Variants in SLC30A9 observed in about 807,000 individuals in gnomAD.
The protein encoded by SLC30A9 is proton-coupled zinc antiporter SLC30A9, mitochondrial.
SLC30A9 carries 58 observed loss-of-function variants against 87.5 expected under a neutral mutation model. That is an observed-to-expected ratio of 0.66 (90% CI 0.54 to 0.82). The LOEUF (loss-of-function observed/expected upper bound fraction) is 0.82, where lower values mean the gene tolerates loss of function less well. SLC30A9 is among the 40% of genes least tolerant of loss of function. SLC30A9 has a pLI of 0.00. For synonymous variants in SLC30A9, 234 were observed against 233.0 expected (o/e 1.00, Z -0.04); for missense variants, 557 against 679.1 (o/e 0.82, Z 2.00).
chr4:42,018,362 C>A, intron 3 of SLC30A9, 192 bp downstream of exon 3: 2 of 1,073,200 alleles, frequency 1.9e-6, no homozygotes, highest in Non-Finnish European at 2.6e-6. Context: ...ATTTATTTTG[C>A]ATTTTTGTCA....
At chr4:42,032,228 ACCT>A (rs1379375836) in intron 6 of SLC30A9, among the ~76,000 whole-genome samples, 2 of 149,230 alleles carry the variant, frequency 1.3e-5, no homozygotes, top group Non-Finnish European at 3.0e-5. Context: ...ACCAGGCCCC[ACCT>A]CCAACAATTG....
At chr4:42,029,355 C>T (rs1375795899) in intron 6 of SLC30A9, 1 of 576,962 alleles carries the variant, frequency 1.7e-6, no homozygotes, top group Non-Finnish European at 3.4e-6. Context: ...TGACTGGCAT[C>T]TTCATCGGAA....
intron 6 of SLC30A9, among the ~76,000 whole-genome samples, chr4:42,023,744 A>C (rs1383538811): frequency 6.6e-6 from 1 of 152,208 alleles, no homozygotes; most frequent in Non-Finnish European, 1.5e-5. Context: ...ATACTACCCA[A>C]GACTGGGTAG....
chr4:42,061,107 C>A (rs1308716683), intron 10 of SLC30A9, among the ~76,000 whole-genome samples: 6 of 151,926 alleles, frequency 3.9e-5, no homozygotes. Context: ...ACAGAAGGTA[C>A]AAATTTTAAA....
chr4:42,084,766 C>T (rs1196172759), intron 17 of SLC30A9, among the ~76,000 whole-genome samples: 4 of 152,112 alleles, frequency 2.6e-5, no homozygotes, highest in South Asian at 2.1e-4. Context: ...CCACCGCGCC[C>T]GGCCAGGTGC....
rs767605085 is a variant in SLC30A9 at position 42,070,657 on chromosome 4, C to G, written c.1384C>G (p.Leu462Val). Residue 462 changes from leucine (L) to valine (V), a missense_variant, in exon 15 of 18, where the codon CTC (leucine) becomes GTC (valine). Leu to Val is a conservative substitution (Grantham distance 32). Coordinates refer to ENST00000264451, the MANE Select transcript of SLC30A9 (RefSeq NM_006345.4). ...RSIQPEQVQR[L>V]TELLENDPSV... ...CATCCAGCCAGAACAAGTACAACGG[C>G]TCACTGAACTCCTGGAGAATGACCC... is the stretch of plus-strand genomic sequence containing the variant. 2 of 1,613,968 alleles carry G rather than the reference C, an allele frequency of 1.2e-6. No individual in the cohort carries two copies. The highest frequency in any genetic ancestry group is 1.7e-6 in the Non-Finnish European group (2 of 1,179,892).
At chr4:42,023,817 C>T (rs909388149) in intron 6 of SLC30A9, among the ~76,000 whole-genome samples, 2 of 152,100 alleles carry the variant, frequency 1.3e-5, no homozygotes, top group Admixed American at 1.3e-4. Context: ...CCTCAGGAAG[C>T]ATACAATCAT....
chr4:42,000,659 G>A (rs1271145586), intron 1 of SLC30A9, among the ~76,000 whole-genome samples: 1 of 151,934 alleles, frequency 6.6e-6, no homozygotes, highest in Non-Finnish European at 1.5e-5. Flanking sequence ...TTATGTTCCT[G>A]ATGAATTCTC....
chr4:42,072,142 TG>T (rs1718337720), intron 15 of SLC30A9, among the ~76,000 whole-genome samples: 1 of 152,210 alleles, frequency 6.6e-6, no homozygotes, highest in African/African-American at 2.4e-5. Flanking sequence ...CTTTCATTTC[TG>T]TAATTTGAAT....
intron 10 of SLC30A9, among the ~76,000 whole-genome samples, chr4:42,061,539 C>G (rs1717853017): frequency 6.6e-6 from 1 of 152,162 alleles, no homozygotes; most frequent in African/African-American, 2.4e-5. Context: ...CATCTATAAA[C>G]TGGGAATTCC....
intron 8 of SLC30A9, among the ~76,000 whole-genome samples, chr4:42,041,289 T>G (rs896297336): frequency 2.6e-5 from 4 of 152,020 alleles, no homozygotes; most frequent in Admixed American, 2.0e-4. Context: ...GAAGAAGCGT[T>G]TGTTTTTTTT....
intron 6 of SLC30A9, chr4:42,029,756 G>A (rs1451790524): frequency 5.5e-6 from 4 of 729,306 alleles, no homozygotes; most frequent in Non-Finnish European, 1.0e-5. Context: ...TAAAGCTCAA[G>A]TGAGTTCTAG....
At chr4:42,054,782 T>C (rs541447152) in intron 9 of SLC30A9, among the ~76,000 whole-genome samples, 2 of 151,376 alleles carry the variant, frequency 1.3e-5, no homozygotes, top group South Asian at 4.3e-4. Flanking sequence ...ATTACAGACA[T>C]GAGCCACCGC....
At chr4:42,011,915 G>A (rs114013358) in intron 2 of SLC30A9, among the ~76,000 whole-genome samples, 2,477 of 152,268 alleles carry the variant, frequency 0.016, 24 homozygotes, top group Non-Finnish European at 0.025. Context: ...ATTGTCAGTA[G>A]GAGAGTTAGT....
At chr4:42,009,629 T>C (rs1486599375) in intron 2 of SLC30A9, among the ~76,000 whole-genome samples, 1 of 152,226 alleles carries the variant, frequency 6.6e-6, no homozygotes, top group Non-Finnish European at 1.5e-5. Context: ...ATTAAGTTGG[T>C]GCTATGTAAA....
intron 6 of SLC30A9, among the ~76,000 whole-genome samples, chr4:42,033,374 C>T (rs1425189295): frequency 2.0e-5 from 3 of 151,840 alleles, no homozygotes; most frequent in African/African-American, 7.2e-5. Context: ...CTCCATGGCT[C>T]ATGCCTATAA....
chr4:42,005,117 T>C (rs1715147852), intron 2 of SLC30A9, among the ~76,000 whole-genome samples: 1 of 152,256 alleles, frequency 6.6e-6, no homozygotes, highest in Non-Finnish European at 1.5e-5. Flanking sequence ...TTTCTCACTA[T>C]ATGAGACTTT....
At chr4:42,082,818 AGCCTGGGT>A (rs1718790107) in intron 17 of SLC30A9, among the ~76,000 whole-genome samples, 1 of 151,584 alleles carries the variant, frequency 6.6e-6, no homozygotes, top group Admixed American at 6.6e-5. Flanking sequence ...ACTGCACTTC[AGCCTGGGT>A]GACAGAGCAA....
At chr4:42,060,367 T>G in intron 10 of SLC30A9, 121 bp downstream of exon 10, 1 of 752,798 alleles carries the variant, frequency 1.3e-6, no homozygotes, top group Non-Finnish European at 2.3e-6. Context: ...GGTCATTTCT[T>G]CCACTGTAGT....
Sources: allele counts gnomAD v4.1 joint callset (sites outside exome capture counted in the v4.1 genomes callset), GRCh38; gene constraint gnomAD v4.1.1; transcripts MANE v1.5; gene names NCBI Gene and HGNC (gene_info 2026-07-23, HGNC 2026-07-21).